The following PRKCG variants were observed in gnomAD, a reference collection of about 807,000 sequenced individuals.
PRKCG encodes protein kinase C gamma, also known as protein kinase C gamma type.
PRKCG carries 28 observed loss-of-function variants against 82.0 expected under a neutral mutation model. That is an observed-to-expected ratio of 0.34 (90% CI 0.25 to 0.47). The LOEUF is 0.47. PRKCG is among the 20% of genes least tolerant of loss of function. The pLI, the probability that PRKCG is intolerant of heterozygous loss-of-function variation, is 1.00. For synonymous variants in PRKCG, 383 were observed against 376.6 expected (o/e 1.02, Z -0.20); for missense variants, 640 against 952.7 (o/e 0.67, Z 4.32).
intron 11 of PRKCG, among the ~76,000 whole-genome samples, chr19:53,899,394 G>C (rs2068746087): frequency 1.3e-5 from 2 of 152,212 alleles, no homozygotes; most frequent in African/African-American, 4.8e-5. Context: ...ATTGGGCTCC[G>C]AGTGACGGGG....
At position 53,883,143 on chromosome 19, in the gene PRKCG, A is replaced by G; in HGVS notation, c.171-20A>G. 1 of 1,613,954 alleles carries G rather than the reference A, an allele frequency of 6.2e-7. No individual in the cohort carries two copies. Among genetic ancestry groups the G allele is most frequent in the Non-Finnish European group, 8.5e-7 (1 of 1,179,914 alleles). ...CAGGTACCCCTTTCTGCACTGACCT[A>G]GGATCCCTGACTCTTCCAGGGGTAT... On this transcript the variant is annotated intron_variant, in intron 1 of 17. Transcript: ENST00000263431. The surrounding 1 kb of genome is among the most constrained non-coding windows in gnomAD (Gnocchi z 5.4).
Position 53,897,585 on chromosome 19 carries a change from G to A in PRKCG, c.940-374G>A, listed in dbSNP as rs1050560757. Among the ~76,000 whole-genome samples the A allele has an allele frequency of 2.0e-5, 3 of 152,178 alleles. No individual in the cohort carries two copies. The East Asian group carries it at 5.8e-4, about 29-fold the overall frequency. On this transcript the variant is annotated intron_variant, in intron 9 of 17. Coordinates refer to ENST00000263431, the MANE Select transcript of PRKCG (RefSeq NM_002739.5). Reference sequence around the variant, plus strand: ...AGCAACCAGATTCTAGAGCTGGACTGCTTGGGTTTCATTTCTGGCTCTGTC... The same window carrying A: ...AGCAACCAGATTCTAGAGCTGGACTACTTGGGTTTCATTTCTGGCTCTGTC...
At chr19:53,888,466 A>ATGC in intron 3 of PRKCG, among the ~76,000 whole-genome samples, 1 of 152,198 alleles carries the variant, frequency 6.6e-6, no homozygotes, top group Non-Finnish European at 1.5e-5. Flanking sequence ...TTGCTTCAAA[A>ATGC]TATAGATTAT....
intron 3 of PRKCG, among the ~76,000 whole-genome samples, chr19:53,888,888 A>T (rs2068650749): frequency 6.6e-6 from 1 of 152,052 alleles, no homozygotes; most frequent in African/African-American, 2.4e-5. Flanking sequence ...TGCCTCCTTC[A>T]TGTTCTGCCC....
chr19:53,907,416 G>A lies in PRKCG; in HGVS notation c.*521G>A, dbSNP rs2068823205. The A allele has an allele frequency of 5.7e-6, 1 of 174,050 alleles. No individual in the cohort carries two copies. The highest frequency in any genetic ancestry group is 1.2e-5 in the Non-Finnish European group (1 of 80,662). The allele number at this position is 174,050 out of a possible 1,614,324, so 10.8% of individuals were successfully genotyped here. A position where few individuals can be genotyped will look rare whatever the true frequency, so the allele number is the denominator to read the frequency against. On this transcript the variant is annotated 3_prime_UTR_variant, in exon 18 of 18. Transcript: ENST00000263431. ...TGCTCTGGGGATTTCTGGGATATAT[G>A]GAGGATTCTTTCCCCAGAGGCTCCC...
At chr19:53,894,079 T>G (rs1000943057) in intron 9 of PRKCG, among the ~76,000 whole-genome samples, 5 of 150,968 alleles carry the variant, frequency 3.3e-5, no homozygotes, top group Non-Finnish European at 7.4e-5. Flanking sequence ...TTTTATTTTT[T>G]TTTTGAGACG....
chr19:53,904,335 C>G (rs2068785950), intron 15 of PRKCG, among the ~76,000 whole-genome samples: 2 of 150,904 alleles, frequency 1.3e-5, no homozygotes, highest in African/African-American at 4.9e-5. Context: ...TTCCTCTCTT[C>G]TATTTAACTG....
intron 15 of PRKCG, 22 bp downstream of exon 15, chr19:53,903,175 C>G (rs1313667498): frequency 6.3e-7 from 1 of 1,598,690 alleles, no homozygotes; most frequent in African/African-American, 1.3e-5. Flanking sequence ...TGGGGAGAAG[C>G]TGGCTTGGCT....
intron 3 of PRKCG, among the ~76,000 whole-genome samples, chr19:53,888,231 C>T (rs1439728487): frequency 6.6e-6 from 1 of 152,192 alleles, no homozygotes; most frequent in African/African-American, 2.4e-5. Flanking sequence ...AAACTGCCAA[C>T]ACCCTCCTCT....
At chr19:53,898,759 A>C in intron 11 of PRKCG, 131 bp downstream of exon 11, 1 of 215,818 alleles carries the variant, frequency 4.6e-6, no homozygotes, top group Non-Finnish European at 8.8e-6. Context: ...GGCCAGGCGG[A>C]TTGTCTCCTC....
At chr19:53,902,055 G>A (rs1291970803) in intron 14 of PRKCG, among the ~76,000 whole-genome samples, 1 of 151,966 alleles carries the variant, frequency 6.6e-6, no homozygotes, top group African/African-American at 2.4e-5. Flanking sequence ...TGCCTGACTC[G>A]TGCCCAAATA....
intron 9 of PRKCG, among the ~76,000 whole-genome samples, chr19:53,897,016 A>G (rs1355594956): frequency 6.6e-6 from 1 of 152,132 alleles, no homozygotes; most frequent in Non-Finnish European, 1.5e-5. Flanking sequence ...GGAGAGCTTT[A>G]CAGGAAGACC....
At chr19:53,882,172 A>C (rs2122971671), upstream of PRKCG, 3 of 367,938 alleles carry the variant, frequency 8.2e-6, no homozygotes, top group African/African-American at 2.2e-5. This position sits in a 1 kb window ranked among gnomAD's most constrained non-coding sequence, Gnocchi z 6.1. Flanking sequence ...CGTCCTGGCA[A>C]CGCCTCCCCC....
intron 15 of PRKCG, among the ~76,000 whole-genome samples, 185 bp downstream of exon 15, chr19:53,903,338 C>A (rs948317054): frequency 6.6e-6 from 1 of 152,124 alleles, no homozygotes; most frequent in African/African-American, 2.4e-5. Flanking sequence ...TGTTCTGTTA[C>A]CATGGATTCT....
intron 9 of PRKCG, 161 bp downstream of exon 9, chr19:53,893,552 A>G: frequency 1.2e-6 from 1 of 800,162 alleles, no homozygotes; most frequent in Non-Finnish European, 2.1e-6. Context: ...TCCAGAGATG[A>G]ATCTGACCCT....
chr19:53,901,213 AT>A (rs756483759), intron 14 of PRKCG, among the ~76,000 whole-genome samples: 53 of 152,244 alleles, frequency 3.5e-4, no homozygotes, highest in Non-Finnish European at 7.2e-4. Context: ...TGTTTCTCTG[AT>A]GTAAGTGTAC....
chr19:53,906,181 C>A, intron 16 of PRKCG, 136 bp from the exon 17 acceptor site: 2 of 1,107,644 alleles, frequency 1.8e-6, no homozygotes, highest in Non-Finnish European at 2.6e-6. Flanking sequence ...TTTCCCCTGG[C>A]TGTTCTTATC....
intron 9 of PRKCG, among the ~76,000 whole-genome samples, chr19:53,894,168 C>G (rs1422921127): frequency 6.6e-6 from 1 of 152,094 alleles, no homozygotes; most frequent in Non-Finnish European, 1.5e-5. Context: ...TGGGTTCACG[C>G]CATTCTCCTG....
In PRKCG at chr19:53,882,669, G is replaced by A. The variant is rs1046677036; in HGVS notation, c.170+5G>A. On this transcript the variant is annotated splice_donor_5th_base_variant and intron_variant, in intron 1 of 17. Coordinates refer to ENST00000263431, the MANE Select transcript of PRKCG (RefSeq NM_002739.5). This position sits in a 1 kb window ranked among gnomAD's most constrained non-coding sequence, Gnocchi z 6.1. ...CCACTGCACCGACTTCATCTGGTGAGGGAAGGGGGCTGGGGGACTGGGGGA... is the reference window on the plus strand; with the variant it reads ...CCACTGCACCGACTTCATCTGGTGAAGGAAGGGGGCTGGGGGACTGGGGGA... 5 of 1,612,066 alleles carry A rather than the reference G, an allele frequency of 3.1e-6. No homozygotes were observed. Among genetic ancestry groups the A allele is most frequent in the Non-Finnish European group, 4.2e-6 (5 of 1,179,936 alleles).
Sources: allele counts gnomAD v4.1 joint callset (sites outside exome capture counted in the v4.1 genomes callset), GRCh38; gene constraint gnomAD v4.1.1; non-coding constraint Gnocchi (gnomAD v3.1); transcripts MANE v1.5; gene names NCBI Gene and HGNC (gene_info 2026-07-23, HGNC 2026-07-21).